The following MAFF variants were observed in gnomAD, a reference collection of about 807,000 sequenced individuals.
The protein encoded by MAFF is MAF bZIP transcription factor F, also known as transcription factor MafF.
Under a neutral mutation model 2.7 loss-of-function variants are expected in MAFF, and 4 were observed. The observed-to-expected ratio is 1.48, with a 90% confidence interval of 0.73 to 3.39. The LOEUF is 3.39. Ranked by LOEUF, MAFF falls within the 30% of genes most tolerant of loss-of-function variation. The pLI is 0.01. For synonymous variants in MAFF, 113 were observed against 119.4 expected (o/e 0.95, Z 0.35); for missense variants, 190 against 246.6 (o/e 0.77, Z 1.54).
At position 38,208,499 on chromosome 22, in the gene MAFF, A is replaced by C. The variant is rs538444221; in HGVS notation, c.-31-5324A>C. ...AGGCCCAAGGAAGCAGCTGGAGAGG[A>C]GGAAGAATTAGAGACAGGGCCAGGA... On this transcript the variant is annotated intron_variant, in intron 1 of 2. Transcript: ENST00000338483. Among the ~76,000 whole-genome samples the C allele has an allele frequency of 1.3e-3, 205 of 152,232 alleles. 2 individuals carry two copies. Among genetic ancestry groups the C allele is most frequent in the African/African-American group, 4.5e-3 (186 of 41,534 alleles).
In MAFF at chr22:38,214,002, A is replaced by T; in HGVS notation, c.36+113A>T. ...GAATCCCCTGGGTGGCTCAGCAGGC[A>T]CCAGGCCTTCATGATGCCAAAGGGA... is the stretch of plus-strand genomic sequence containing the variant. On this transcript the variant is annotated intron_variant, in intron 2 of 2. Transcript: ENST00000338483. This position sits in a 1 kb window ranked among gnomAD's most constrained non-coding sequence, Gnocchi z 6.3. 8.6e-7 allele frequency: 1 copy of T among 1,157,820 alleles called. No individual in the cohort carries two copies. The highest frequency in any genetic ancestry group is 1.3e-6 in the Non-Finnish European group (1 of 788,170). 71.7% of individuals were successfully genotyped at this position (1,157,820 alleles called of 1,614,324 possible).
chr22:38,214,938 C>A lies in MAFF; in HGVS notation c.*60C>A. The stretch of plus-strand genomic sequence containing the variant: ...CGGCCTCAGCTCCCTCCCCAAAGTG[C>A]CTGAGCGCCGCCTCTGTGCCCAGGT... On this transcript the variant is annotated 3_prime_UTR_variant, in exon 3 of 3. Transcript: ENST00000338483. The surrounding 1 kb of genome is among the most constrained non-coding windows in gnomAD (Gnocchi z 6.3). The A allele has an allele frequency of 1.6e-6, 2 of 1,284,372 alleles. No homozygotes were observed. Among genetic ancestry groups the A allele is most frequent in the Non-Finnish European group, 2.2e-6 (2 of 917,860 alleles). 79.6% of individuals were successfully genotyped at this position (1,284,372 alleles called of 1,614,324 possible). A position where few individuals can be genotyped will look rare whatever the true frequency, so the allele number is the denominator to read the frequency against.
chr22:38,211,521 G>A lies in MAFF; in HGVS notation c.-31-2302G>A, dbSNP rs529285792. Among the ~76,000 whole-genome samples, 481 of 99,378 alleles carry A rather than the reference G, an allele frequency of 4.8e-3. 1 individual carries two copies. The highest frequency in any genetic ancestry group is 0.02 in the African/African-American group (466 of 22,768). 65.2% of individuals were successfully genotyped at this position (99,378 alleles called of 152,430 possible). A position where few individuals can be genotyped will look rare whatever the true frequency, so the allele number is the denominator to read the frequency against. On this transcript the variant is annotated intron_variant, in intron 1 of 2. Transcript: ENST00000338483. ...ATTACAGGCGTGAGCCACCGCGCCC[G>A]GCCACTGGGGATCACTTTCTGCAGC...
chr22:38,213,688 G>T, intron 1 of MAFF, 135 bp from the exon 2 acceptor site: 1 of 726,460 alleles, frequency 1.4e-6, no homozygotes, highest in East Asian at 2.7e-5. Context: ...GGACCAATGT[G>T]GAGAGAGGAA....
At chr22:38,213,672 G>C (rs1377695942) in intron 1 of MAFF, 151 bp from the exon 2 acceptor site, 1 of 704,064 alleles carries the variant, frequency 1.4e-6, no homozygotes, top group Non-Finnish European at 2.6e-6. Context: ...ATTCAAGGAG[G>C]CCTGTGGACC....
intron 1 of MAFF, among the ~76,000 whole-genome samples, chr22:38,211,561 G>C (rs1485357130): frequency 6.6e-6 from 1 of 152,160 alleles, no homozygotes; most frequent in African/African-American, 2.4e-5. Flanking sequence ...TGTGGGCCAT[G>C]GTGACAACTC....
chr22:38,209,168 C>T (rs2091077451), intron 1 of MAFF, among the ~76,000 whole-genome samples: 1 of 152,034 alleles, frequency 6.6e-6, no homozygotes, highest in South Asian at 2.1e-4. Flanking sequence ...CGGGTTCACG[C>T]CATTCTCCTG....
At chr22:38,203,111 C>T (rs1183274800) in intron 1 of MAFF, 1 of 152,350 alleles carries the variant, frequency 6.6e-6, no homozygotes, top group Non-Finnish European at 1.5e-5. Flanking sequence ...GTTCTTGTCC[C>T]CAGATTTTGG....
Position 38,215,002 on chromosome 22 carries a change from A to C in MAFF, c.*124A>C. The C allele has an allele frequency of 1.3e-6, 1 of 741,580 alleles. No individual in the cohort carries two copies. Among genetic ancestry groups the C allele is most frequent in the Non-Finnish European group, 2.3e-6 (1 of 438,738 alleles). The allele number at this position is 741,580 out of a possible 1,614,324, so 45.9% of individuals were successfully genotyped here. A position where few individuals can be genotyped will look rare whatever the true frequency, so the allele number is the denominator to read the frequency against. Reference sequence around the variant, plus strand: ...AGCACTGGCCCCTTGGTGCACACACATTCCCTTCGTGGGCCCTGTCTTCCT... The same window carrying C: ...AGCACTGGCCCCTTGGTGCACACACCTTCCCTTCGTGGGCCCTGTCTTCCT... On this transcript the variant is annotated 3_prime_UTR_variant, in exon 3 of 3. Coordinates refer to ENST00000338483, the MANE Select transcript of MAFF (RefSeq NM_012323.4).
Position 38,213,176 on chromosome 22 carries a change from C to CAAAAA in MAFF, c.-31-626_-31-622dup, listed in dbSNP as rs57782814. Among the ~76,000 whole-genome samples, 240 of 114,040 alleles carry CAAAAA rather than the reference C, an allele frequency of 2.1e-3. 5 individuals are homozygous for CAAAAA. The highest frequency in any genetic ancestry group is 6.7e-3 in the African/African-American group (202 of 29,932). 74.8% of individuals were successfully genotyped at this position (114,040 alleles called of 152,430 possible). On this transcript the variant is annotated intron_variant, in intron 1 of 2. Coordinates refer to ENST00000338483, the MANE Select transcript of MAFF (RefSeq NM_012323.4). ...TGGGTGACAGAGTGAGACTCTGTCT[C>CAAAAA]AAAAAAAAAAAAAAAAAAAAAAAAA...
Position 38,202,306 on chromosome 22 carries a change from C to G in MAFF, c.-32+94C>G, listed in dbSNP as rs2091019075. Reference sequence around the variant, plus strand: ...TGCGCCTGGGGTGGGCGCCCGGGCCCGATCCGTCGGGGCTCCCGGAGCTCC... The same window carrying G: ...TGCGCCTGGGGTGGGCGCCCGGGCCGGATCCGTCGGGGCTCCCGGAGCTCC... On this transcript the variant is annotated intron_variant, in intron 1 of 2. Coordinates refer to ENST00000338483, the MANE Select transcript of MAFF (RefSeq NM_012323.4). This position sits in a 1 kb window ranked among gnomAD's most constrained non-coding sequence, Gnocchi z 7.4. 1 of 152,062 alleles carries G rather than the reference C, an allele frequency of 6.6e-6. No individual in the cohort carries two copies. Among genetic ancestry groups the G allele is most frequent in the Non-Finnish European group, 1.5e-5 (1 of 67,974 alleles). The allele number at this position is 152,062 out of a possible 1,614,324, so 9.4% of individuals were successfully genotyped here. A position where few individuals can be genotyped will look rare whatever the true frequency, so the allele number is the denominator to read the frequency against.
intron 1 of MAFF, among the ~76,000 whole-genome samples, chr22:38,213,176 C>CAAAAAAAAAAAA (rs57782814): frequency 6.1e-5 from 7 of 114,088 alleles, no homozygotes; most frequent in East Asian, 5.5e-4. Flanking sequence ...GACTCTGTCT[C>CAAAAAAAAAAAA]AAAAAAAAAA....
At chr22:38,204,871 C>G (rs983560907) in intron 1 of MAFF, among the ~76,000 whole-genome samples, 1 of 152,030 alleles carries the variant, frequency 6.6e-6, no homozygotes, top group African/African-American at 2.4e-5. Context: ...GGGCCAAGCA[C>G]GGACAGGCTC....
intron 1 of MAFF, among the ~76,000 whole-genome samples, chr22:38,212,847 T>C (rs543265480): frequency 2.0e-4 from 31 of 152,160 alleles, no homozygotes; most frequent in Non-Finnish European, 3.1e-4. Context: ...TACTTTTCTG[T>C]ATGTAGGTTA....
rs1489481548 is a variant in MAFF, at chr22:38,214,973, C to G, written c.*95C>G. On this transcript the variant is annotated 3_prime_UTR_variant, in exon 3 of 3. Transcript: ENST00000338483. The surrounding 1 kb of genome is among the most constrained non-coding windows in gnomAD (Gnocchi z 6.3). The stretch of plus-strand genomic sequence containing the variant: ...GCCTCTGTGCCCAGGTCCCATTTCT[C>G]TGCAGCACTGGCCCCTTGGTGCACA... 1 of 910,944 alleles carries G rather than the reference C, an allele frequency of 1.1e-6. No homozygotes were observed. The highest frequency in any genetic ancestry group is 1.7e-6 in the Non-Finnish European group (1 of 581,754). The allele number at this position is 910,944 out of a possible 1,614,324, so 56.4% of individuals were successfully genotyped here.
In MAFF at chr22:38,214,183, C is replaced by G. The variant is rs1024392336; in HGVS notation, c.37-237C>G. 2.0e-5 allele frequency among the ~76,000 whole-genome samples: 3 copies of G among 152,264 alleles called. No homozygotes were observed. The highest frequency in any genetic ancestry group is 7.2e-5 in the African/African-American group (3 of 41,476). On this transcript the variant is annotated intron_variant, in intron 2 of 2. Transcript: ENST00000338483. This position sits in a 1 kb window ranked among gnomAD's most constrained non-coding sequence, Gnocchi z 6.3. Reference sequence around the variant, plus strand: ...TGCTTTCCGACCTGGGTTTCTCTGGCTGAGTCCAGGGCTTGGCGCTAGGTT... The same window carrying G: ...TGCTTTCCGACCTGGGTTTCTCTGGGTGAGTCCAGGGCTTGGCGCTAGGTT...
At position 38,214,387 on chromosome 22, in the gene MAFF, G is replaced by C; in HGVS notation, c.37-33G>C. 2 of 1,543,960 alleles carry C rather than the reference G, an allele frequency of 1.3e-6. No individual in the cohort carries two copies. The highest frequency in any genetic ancestry group is 1.7e-6 in the Non-Finnish European group (2 of 1,144,460). ...GGTGGAGCGGGGGGGCCCGTCCCCA[G>C]TCCCCTGGACCTCAGTTTCCTCATG... On this transcript the variant is annotated intron_variant, in intron 2 of 2. Transcript: ENST00000338483. This position sits in a 1 kb window ranked among gnomAD's most constrained non-coding sequence, Gnocchi z 6.3.
At chr22:38,203,299 G>A (rs1024948195) in intron 1 of MAFF, 2 of 152,484 alleles carry the variant, frequency 1.3e-5, no homozygotes, top group Admixed American at 6.5e-5. Context: ...CTAGGTCGTG[G>A]AGGATGGGGC....
intron 1 of MAFF, among the ~76,000 whole-genome samples, chr22:38,212,330 T>C (rs140851458): frequency 1.2e-4 from 18 of 152,306 alleles, no homozygotes; most frequent in African/African-American, 4.3e-4. Flanking sequence ...TGGCTTCTTA[T>C]CACTGCCCCC....
Sources: gnomAD v4.1 joint callset for allele counts (sites outside exome capture counted in the v4.1 genomes callset) on GRCh38, gnomAD v4.1.1 for gene constraint, Gnocchi (gnomAD v3.1) non-coding constraint, MANE v1.5 for transcripts, NCBI Gene and HGNC (gene_info 2026-07-23, HGNC 2026-07-21) for gene names.